Variants in ARSK observed in about 807,000 individuals in gnomAD.
The protein encoded by ARSK is arylsulfatase K.
A neutral mutation model predicts 53.2 loss-of-function variants in ARSK; 37 were observed. That is an observed-to-expected ratio of 0.70 (90% CI 0.54 to 0.92). The LOEUF (loss-of-function observed/expected upper bound fraction) is 0.92. ARSK is among the 40% of genes least tolerant of loss of function. The pLI, the probability that ARSK is intolerant of heterozygous loss-of-function variation, is 0.00. For missense variants in ARSK, 613 were observed against 643.0 expected (o/e 0.95, Z 0.51); for synonymous variants, 208 against 223.2 (o/e 0.93, Z 0.61).
In ARSK at chr5:95,600,832, A is replaced by C. The variant is rs916349304; in HGVS notation, c.1097-15A>C. On this transcript the variant is annotated splice_polypyrimidine_tract_variant and intron_variant, in intron 6 of 7. Coordinates refer to ENST00000380009, the MANE Select transcript of ARSK (RefSeq NM_198150.3). ...ATGAGCTATTTTAAGATATTTGGTT[A>C]TTTTTGTTACATAGATATTGCTGGA... 1 of 1,600,160 alleles carries C rather than the reference A, an allele frequency of 6.2e-7. No homozygotes were observed. The highest frequency in any genetic ancestry group is 8.6e-7 in the Non-Finnish European group (1 of 1,167,880).
chr5:95,592,369 A>G (rs1749233287), intron 6 of ARSK, among the ~76,000 whole-genome samples: 1 of 152,218 alleles, frequency 6.6e-6, no homozygotes, highest in Non-Finnish European at 1.5e-5. Flanking sequence ...AATGTGAAAG[A>G]AAGATGCATC....
intron 1 of ARSK, among the ~76,000 whole-genome samples, chr5:95,561,721 G>T (rs1748638570): frequency 6.6e-6 from 1 of 152,186 alleles, no homozygotes; most frequent in South Asian, 2.1e-4. Flanking sequence ...GTAGGTTAGT[G>T]GTTGCCTAGG....
At chr5:95,579,695 G>A (rs955913254) in intron 3 of ARSK, among the ~76,000 whole-genome samples, 7 of 152,180 alleles carry the variant, frequency 4.6e-5, no homozygotes, top group African/African-American at 7.2e-5. Context: ...TATCAGAAAT[G>A]TGTGATGATT....
At chr5:95,593,019 A>G (rs928818119) in intron 6 of ARSK, among the ~76,000 whole-genome samples, 1 of 152,116 alleles carries the variant, frequency 6.6e-6, no homozygotes, top group African/African-American at 2.4e-5. Flanking sequence ...AGAAGTTTAT[A>G]TAGAACTGTG....
chr5:95,561,302 C>A (rs1748632046), intron 1 of ARSK, among the ~76,000 whole-genome samples: 1 of 152,138 alleles, frequency 6.6e-6, no homozygotes, highest in African/African-American at 2.4e-5. Flanking sequence ...GAATTGCAAC[C>A]CATACCCTGC....
At chr5:95,591,687 G>A (rs752623598) in intron 6 of ARSK, 62 bp downstream of exon 6, 1 of 1,504,778 alleles carries the variant, frequency 6.6e-7, no homozygotes, top group African/African-American at 1.4e-5. Context: ...AACTGAAGTT[G>A]TCAGTGAGTC....
chr5:95,557,113 G>T (rs1479811176), intron 1 of ARSK: 3 of 151,938 alleles, frequency 2.0e-5, no homozygotes, highest in African/African-American at 7.3e-5. Flanking sequence ...CCTATCTTTG[G>T]CCAGTGGAAG....
Position 95,603,373 on chromosome 5 carries a change from G to A in ARSK, c.1458G>A (p.Glu486=). 6.2e-7 allele frequency: 1 copy of A among 1,613,466 alleles called. No individual in the cohort carries two copies. The highest frequency in any genetic ancestry group is 8.5e-7 in the Non-Finnish European group (1 of 1,179,746). ...VSASVHQYNK[E]QFIKWKQSIG... ...CTTCTGTCCACCAGTATAATAAAGA[G>A]CAGTTTATCAAGTGGAAACAAAGTA... The change falls in exon 8 of 8, where the codon GAG becomes GAA. Residue 486 remains glutamate (E), a synonymous_variant. Transcript: ENST00000380009.
At chr5:95,577,906 C>A (rs1475578304) in intron 3 of ARSK, among the ~76,000 whole-genome samples, 1 of 151,968 alleles carries the variant, frequency 6.6e-6, no homozygotes, top group Non-Finnish European at 1.5e-5. Flanking sequence ...GGGGCATTAG[C>A]TATTATAATT....
At chr5:95,567,176 T>G (rs1392081272) in intron 2 of ARSK, among the ~76,000 whole-genome samples, 2 of 152,180 alleles carry the variant, frequency 1.3e-5, no homozygotes, top group Non-Finnish European at 2.9e-5. Context: ...GAACCCTAGA[T>G]GTCTCAAAAT....
chr5:95,583,861 ATG>A (rs1376018662), intron 4 of ARSK, among the ~76,000 whole-genome samples: 2 of 152,192 alleles, frequency 1.3e-5, no homozygotes, highest in African/African-American at 4.8e-5. Flanking sequence ...TGCACTTTCA[ATG>A]TAATGATATA....
chr5:95,562,933 T>A (rs371426114), intron 1 of ARSK, among the ~76,000 whole-genome samples: 1 of 152,254 alleles, frequency 6.6e-6, no homozygotes, highest in East Asian at 1.9e-4. Context: ...TGTTTTCACT[T>A]ATAACTGGCT....
At chr5:95,595,398 T>C (rs1749291100) in intron 6 of ARSK, among the ~76,000 whole-genome samples, 1 of 152,080 alleles carries the variant, frequency 6.6e-6, no homozygotes, top group Non-Finnish European at 1.5e-5. Flanking sequence ...CTATTCACAA[T>C]AGTAAAGGCA....
rs772739223 is a variant in ARSK at position 95,603,247 on chromosome 5, G to A, written c.1332G>A (p.Ser444=). 7.8e-6 allele frequency: 12 copies of A among 1,545,284 alleles called. No homozygotes were observed. The highest frequency in any genetic ancestry group is 2.8e-5 in the African/African-American group (2 of 71,770). Residue 444 remains serine, a synonymous_variant, in exon 8 of 8, where the codon TCG becomes TCA. Transcript: ENST00000380009. The part of the protein sequence containing the change: ...SILPQLFDLS[S]DPDELTNVAV... ...TTTTTTTTCTTTCAGATCTTTCCTC[G>A]GATCCAGATGAATTAACAAATGTTG... is the stretch of plus-strand genomic sequence containing the variant.
chr5:95,600,455 G>A (rs1464190671), intron 6 of ARSK, among the ~76,000 whole-genome samples: 2 of 152,114 alleles, frequency 1.3e-5, no homozygotes, highest in Admixed American at 1.3e-4. Context: ...AAACAACTAT[G>A]ATTATTTAAT....
chr5:95,578,027 G>A (rs963823041), intron 3 of ARSK, among the ~76,000 whole-genome samples: 1 of 152,170 alleles, frequency 6.6e-6, no homozygotes. Flanking sequence ...ACCTGAATTT[G>A]CCAGGGTAGA....
intron 6 of ARSK, among the ~76,000 whole-genome samples, chr5:95,594,601 G>A (rs1164627112): frequency 2.0e-5 from 3 of 152,220 alleles, no homozygotes; most frequent in East Asian, 3.8e-4. Context: ...CAACACTTTG[G>A]GAGGTGGAGG....
At chr5:95,567,527 C>T (rs1039918759) in intron 2 of ARSK, among the ~76,000 whole-genome samples, 1 of 152,200 alleles carries the variant, frequency 6.6e-6, no homozygotes, top group African/African-American at 2.4e-5. Flanking sequence ...GAAATGAGAT[C>T]TGTACTTCAA....
chr5:95,574,716 T>A (rs986033819), intron 3 of ARSK, among the ~76,000 whole-genome samples: 2 of 152,216 alleles, frequency 1.3e-5, no homozygotes, highest in Non-Finnish European at 2.9e-5. Flanking sequence ...TTAAGTTGTT[T>A]GAGCTCCTTA....
Sources: allele counts gnomAD v4.1 joint callset (sites outside exome capture counted in the v4.1 genomes callset), GRCh38; gene constraint gnomAD v4.1.1; transcripts MANE v1.5; gene names NCBI Gene and HGNC (gene_info 2026-07-23, HGNC 2026-07-21).